Variants in GPHN observed in about 807,000 individuals in gnomAD.
GPHN encodes gephyrin.
Under a neutral mutation model 95.5 loss-of-function variants are expected in GPHN, and 17 were observed. The observed-to-expected ratio is 0.18, with a 90% CI of 0.12 to 0.27. The LOEUF is 0.27. GPHN is among the 10% of genes least tolerant of loss of function. The pLI is 1.00. For missense variants in GPHN, 660 were observed against 978.1 expected, an observed-to-expected ratio of 0.67 and a Z score of 4.34; for synonymous variants, 320 against 322.5, an observed-to-expected ratio of 0.99 and a Z score of 0.08.
the GPHN span, chr14:67,678,328 A>G: frequency 1.9e-6 from 3 of 1,609,590 alleles, no homozygotes; most frequent in Middle Eastern, 1.7e-4. Flanking sequence ...CTGTTAGTCT[A>G]TTGGGAGGCC....
chr14:66,630,914 T>A (rs74909956), intron 1 of GPHN, among the ~76,000 whole-genome samples: 1 of 744 alleles, frequency 1.3e-3, no homozygotes, highest in Non-Finnish European at 2.2e-3. Flanking sequence ...TTAATGTGTT[T>A]TTTTTTTCTT....
At chr14:67,534,358 A>G in the GPHN span, among the ~76,000 whole-genome samples, 2 of 151,998 alleles carry the variant, frequency 1.3e-5, no homozygotes, top group Non-Finnish European at 2.9e-5. Flanking sequence ...GCAGGAGGAG[A>G]GCTTGATGCC....
the GPHN span, among the ~76,000 whole-genome samples, chr14:67,287,303 T>C: frequency 4.2e-5 from 6 of 143,830 alleles, no homozygotes; most frequent in Non-Finnish European, 8.9e-5. Context: ...TTACATTTCC[T>C]TAGTTTTTTT....
chr14:67,586,250 G>T, the GPHN span: 1 of 1,117,430 alleles, frequency 8.9e-7, no homozygotes, highest in Middle Eastern at 2.0e-4. Context: ...AAAGGTTCAG[G>T]TGGTGTTGCA....
At chr14:66,627,184 A>G (rs2063557559) in intron 1 of GPHN, among the ~76,000 whole-genome samples, 2 of 152,020 alleles carry the variant, frequency 1.3e-5, no homozygotes, top group South Asian at 2.1e-4. Flanking sequence ...TCATCTGTGA[A>G]TCTCTTACCT....
chr14:67,557,126 A>C, the GPHN span: 1 of 619,354 alleles, frequency 1.6e-6, no homozygotes, highest in Non-Finnish European at 2.8e-6. Flanking sequence ...TAATTGAATT[A>C]ATTGGCTCAG....
At chr14:67,385,692 T>C in the GPHN span, 2 of 148,952 alleles carry the variant, frequency 1.3e-5, no homozygotes, top group African/African-American at 5.0e-5. Context: ...AATGGTGTTA[T>C]ATTGCCTGGG....
chr14:67,292,336 A>C, the GPHN span, among the ~76,000 whole-genome samples: 1 of 152,208 alleles, frequency 6.6e-6, no homozygotes, highest in African/African-American at 2.4e-5. Flanking sequence ...TGTAATTTTT[A>C]AAAGAGTTTT....
chr14:67,651,210 G>T, the GPHN span: 2 of 1,284,246 alleles, frequency 1.6e-6, no homozygotes, highest in Non-Finnish European at 1.0e-6. Flanking sequence ...TGTTGCTGTT[G>T]TTCCTTCACA....
intron 10 of GPHN, among the ~76,000 whole-genome samples, chr14:67,054,215 A>G (rs974147250): frequency 6.6e-6 from 1 of 152,182 alleles, no homozygotes; most frequent in South Asian, 2.1e-4. Flanking sequence ...AAACCCCATC[A>G]TCTCAGCCCC....
At chr14:66,774,147 C>T (rs1474474819) in intron 2 of GPHN, among the ~76,000 whole-genome samples, 2 of 151,614 alleles carry the variant, frequency 1.3e-5, no homozygotes, top group African/African-American at 2.4e-5. Flanking sequence ...GGACTGCAGG[C>T]GCCCACCACC....
the GPHN span, among the ~76,000 whole-genome samples, chr14:67,262,069 T>A: frequency 6.6e-6 from 1 of 152,162 alleles, no homozygotes; most frequent in African/African-American, 2.4e-5. Context: ...GTTCTATTGC[T>A]TCTAGCTATG....
the GPHN span, among the ~76,000 whole-genome samples, chr14:67,358,779 G>A: frequency 4.6e-5 from 7 of 152,108 alleles, no homozygotes; most frequent in African/African-American, 1.7e-4. Context: ...TTGAGAAAAC[G>A]TCAAAATTTT....
At chr14:67,087,875 T>G (rs1244243577) in intron 11 of GPHN, among the ~76,000 whole-genome samples, 5 of 152,178 alleles carry the variant, frequency 3.3e-5, no homozygotes, top group Admixed American at 3.3e-4. Context: ...CTCTTCCTCT[T>G]TTTTTAACCT....
the GPHN span, among the ~76,000 whole-genome samples, chr14:67,511,263 AG>A: frequency 6.6e-6 from 1 of 152,248 alleles, no homozygotes; most frequent in Non-Finnish European, 1.5e-5. Flanking sequence ...TGGAAAGCAA[AG>A]GAATGGCAGA....
intron 10 of GPHN, among the ~76,000 whole-genome samples, chr14:67,042,394 T>G (rs989201397): frequency 7.9e-5 from 12 of 152,240 alleles, no homozygotes; most frequent in Non-Finnish European, 1.8e-4. Flanking sequence ...CCATCTTGAG[T>G]TGATTTTTGT....
chr14:66,884,839 A>T (rs934408695), intron 5 of GPHN, among the ~76,000 whole-genome samples: 3 of 145,126 alleles, frequency 2.1e-5, no homozygotes, highest in South Asian at 2.1e-4. Context: ...TATATATATA[A>T]AATAAGAAAT....
chr14:67,161,187 G>T (rs565969487), intron 19 of GPHN, among the ~76,000 whole-genome samples: 3 of 152,098 alleles, frequency 2.0e-5, no homozygotes, highest in Admixed American at 2.0e-4. Context: ...CCAGCTACAC[G>T]GGAGGCTGAG....
intron 5 of GPHN, among the ~76,000 whole-genome samples, chr14:66,897,638 C>T (rs745312793): frequency 3.3e-5 from 5 of 152,006 alleles, no homozygotes; most frequent in Admixed American, 1.3e-4. Flanking sequence ...CCTGGAGATT[C>T]GACTAAATTG....
Sources: allele counts gnomAD v4.1 joint callset (sites outside exome capture counted in the v4.1 genomes callset), GRCh38; gene constraint gnomAD v4.1.1; transcripts MANE v1.5; gene names NCBI Gene and HGNC (gene_info 2026-07-23, HGNC 2026-07-21).